RPGRIP1L: variants seen among roughly 807,000 people sequenced by gnomAD.
RPGRIP1L encodes the protein RPGRIP1 like.
Under a neutral mutation model 160.4 loss-of-function variants are expected in RPGRIP1L, and 131 were observed. That is an observed-to-expected ratio of 0.82 (90% confidence interval 0.71 to 0.94). The LOEUF (loss-of-function observed/expected upper bound fraction) is 0.94. Ranked by LOEUF, RPGRIP1L falls within the 40% of genes least tolerant of loss-of-function variation. The pLI, the probability that RPGRIP1L is intolerant of heterozygous loss-of-function variation, is 0.00. For synonymous variants in RPGRIP1L, 510 were observed against 515.8 expected, an observed-to-expected ratio of 0.99 and a Z score of 0.15; for missense variants, 1,522 against 1,535.8, an observed-to-expected ratio of 0.99 and a Z score of 0.15.
In RPGRIP1L at chr16:53,605,550, C is replaced by A. The variant is rs1963628196; in HGVS notation, c.3766G>T (p.Gly1256Cys). Residue 1256 changes from glycine (G) to cysteine (C), a missense_variant, in exon 26 of 27, where the codon GGC becomes TGC. Coordinates refer to ENST00000647211, the MANE Select transcript of RPGRIP1L (RefSeq NM_015272.5). Reference protein sequence around the residue: ...DEQDLECEDIGVAHVDLADMF... With the variant: ...DEQDLECEDICVAHVDLADMF... The stretch of plus-strand genomic sequence containing the variant: ...TCGGCAAGGTCGACGTGAGCCACGC[C>A]AATGTCCTCACACTCCAGGTCCTGC... 10 of 1,614,128 alleles carry A rather than the reference C, an allele frequency of 6.2e-6. No individual in the cohort carries two copies. The highest frequency in any genetic ancestry group is 8.5e-6 in the Non-Finnish European group (10 of 1,179,988).
At chr16:53,659,059 CAT>C (rs2151166382) in intron 10 of RPGRIP1L, 181 bp from the exon 11 acceptor site, 1 of 633,590 alleles carries the variant, frequency 1.6e-6, no homozygotes, top group African/African-American at 1.8e-5. Context: ...TGAACACTAT[CAT>C]GTGTCTACCA....
At chr16:53,650,386 A>C (rs1966843410) in intron 15 of RPGRIP1L, among the ~76,000 whole-genome samples, 1 of 152,172 alleles carries the variant, frequency 6.6e-6, no homozygotes, top group Non-Finnish European at 1.5e-5. Context: ...ATAAGTCCTA[A>C]AAGAATAATA....
chr16:53,639,055 A>G (rs1966034693), intron 19 of RPGRIP1L, among the ~76,000 whole-genome samples: 1 of 151,834 alleles, frequency 6.6e-6, no homozygotes, highest in Non-Finnish European at 1.5e-5. Context: ...AAAATGTCAT[A>G]TGCTAGCATA....
intron 9 of RPGRIP1L, among the ~76,000 whole-genome samples, chr16:53,670,354 A>G (rs188415802): frequency 8.8e-4 from 134 of 152,324 alleles, no homozygotes; most frequent in African/African-American, 2.9e-3. Flanking sequence ...TCAGCACATG[A>G]CCAGAAGTAG....
Position 53,696,183 on chromosome 16 carries a change from C to A in RPGRIP1L, c.198G>T (p.Gln66His). 1 of 1,613,956 alleles carries A rather than the reference C, an allele frequency of 6.2e-7. No individual in the cohort carries two copies. Among genetic ancestry groups the A allele is most frequent in the Non-Finnish European group, 8.5e-7 (1 of 1,179,950 alleles). Residue 66 changes from glutamine (Q) to histidine (H), a missense_variant, in exon 3 of 27, where the codon CAG becomes CAT. Gln to His is a conservative substitution (Grantham distance 24). Transcript: ENST00000647211. ...RLHDENILLK[Q>H]HARKQEDKIK... ...TTTTATCCTCCTGCTTGCGGGCATG[C>A]TGTTTAAGTAAAATGTTCTCATCAT...
Position 53,658,771 on chromosome 16 carries a change from C to G in RPGRIP1L, c.1350+1G>C. Reference sequence around the variant, plus strand: ...ATTTCTTAAATAAGGAAATAATTCACCTGGTTGTACAATTTTATGCGTTTT... The same window carrying G: ...ATTTCTTAAATAAGGAAATAATTCAGCTGGTTGTACAATTTTATGCGTTTT... On this transcript the variant is annotated splice_donor_variant, in intron 11 of 26. Transcript: ENST00000647211. LOFTEE classifies it high-confidence loss of function. The G allele has an allele frequency of 6.4e-7, 1 of 1,574,256 alleles. No homozygotes were observed. The highest frequency in any genetic ancestry group is 8.7e-7 in the Non-Finnish European group (1 of 1,150,332).
intron 2 of RPGRIP1L, among the ~76,000 whole-genome samples, chr16:53,699,154 T>G (rs1201681731): frequency 5.9e-5 from 9 of 152,004 alleles, no homozygotes; most frequent in Non-Finnish European, 4.4e-5. Flanking sequence ...TTAAGGGCAG[T>G]GCAAGATGTG....
chr16:53,698,366 T>TGG (rs1308898351), intron 2 of RPGRIP1L, among the ~76,000 whole-genome samples: 1 of 97,726 alleles, frequency 1.0e-5, no homozygotes, highest in Non-Finnish European at 2.0e-5. Context: ...GGGAGGGAGG[T>TGG]GGGGGGTCAG....
chr16:53,688,121 A>G (rs1970147692), intron 4 of RPGRIP1L, among the ~76,000 whole-genome samples, 156 bp from the exon 5 acceptor site: 2 of 152,070 alleles, frequency 1.3e-5, no homozygotes, highest in Admixed American at 1.3e-4. Context: ...GCCAAAGGGA[A>G]TATGTGATCT....
intron 26 of RPGRIP1L, among the ~76,000 whole-genome samples, chr16:53,602,928 C>A (rs1963459281): frequency 6.6e-6 from 1 of 152,196 alleles, no homozygotes; most frequent in South Asian, 2.1e-4. Flanking sequence ...GAAAACATTT[C>A]ATTTAAAATA....
Position 53,656,538 on chromosome 16 carries a change from C to A in RPGRIP1L, c.1633G>T (p.Glu545Ter). 1 of 1,614,044 alleles carries A rather than the reference C, an allele frequency of 6.2e-7. No individual in the cohort carries two copies. Among genetic ancestry groups the A allele is most frequent in the Non-Finnish European group, 8.5e-7 (1 of 1,179,976 alleles). Residue 545 changes from glutamate to a stop codon, truncating the protein, a stop_gained, in exon 14 of 27, where the codon GAA becomes TAA. Transcript: ENST00000647211. LOFTEE classifies it high-confidence loss of function. ...TGAACATACTGTTCCACTTTGAGTT[C>A]ATAATCTTGCTGCAAATTTTCCATC... ...RKMENLQQDY[E>*]LKVEQYVHLL...
At chr16:53,656,697 T>C in intron 13 of RPGRIP1L, 108 bp from the exon 14 acceptor site, 2 of 840,972 alleles carry the variant, frequency 2.4e-6, no homozygotes, top group Admixed American at 1.8e-5. Context: ...TAGTAGGAGC[T>C]ATGAACCATG....
intron 10 of RPGRIP1L, among the ~76,000 whole-genome samples, chr16:53,661,235 T>C (rs1264496703): frequency 6.6e-6 from 1 of 150,652 alleles, no homozygotes. Context: ...AGGCGGAGGT[T>C]GTGGTGAGCC....
At chr16:53,632,390 A>C (rs561533216) in intron 22 of RPGRIP1L, among the ~76,000 whole-genome samples, 28 of 152,296 alleles carry the variant, frequency 1.8e-4, no homozygotes, top group Middle Eastern at 3.4e-3. Flanking sequence ...TTCCTTTCTA[A>C]CTAGTTTGTG....
Position 53,651,085 on chromosome 16 carries a change from G to A in RPGRIP1L, c.2152+1450C>T, listed in dbSNP as rs1190325767. Among the ~76,000 whole-genome samples, 4 of 152,144 alleles carry A rather than the reference G, an allele frequency of 2.6e-5. No homozygotes were observed. In the East Asian group the frequency reaches 7.7e-4, roughly 29 times the overall value. ...CACCACTTGGATGTCTAATAGGCGGGTCAGTCTTAACTTGTCCAAACAGAA... is the reference window on the plus strand; with the variant it reads ...CACCACTTGGATGTCTAATAGGCGGATCAGTCTTAACTTGTCCAAACAGAA... On this transcript the variant is annotated intron_variant, in intron 15 of 26. Transcript: ENST00000647211.
chr16:53,688,330 T>G (rs186262354), intron 4 of RPGRIP1L, among the ~76,000 whole-genome samples: 1 of 152,146 alleles, frequency 6.6e-6, no homozygotes, highest in East Asian at 1.9e-4. Context: ...TTTTCCCCAG[T>G]GTTTGTGATA....
In RPGRIP1L at chr16:53,658,805, A is replaced by G. The variant is rs1967504639; in HGVS notation, c.1317T>C (p.Asp439=). 6.2e-7 allele frequency: 1 copy of G among 1,608,282 alleles called. No homozygotes were observed. Among genetic ancestry groups the G allele is most frequent in the Non-Finnish European group, 8.5e-7 (1 of 1,176,368 alleles). Residue 439 remains aspartate, a synonymous_variant, in exon 11 of 27, where the codon GAT becomes GAC. Coordinates refer to ENST00000647211, the MANE Select transcript of RPGRIP1L (RefSeq NM_015272.5). ...LQYLEQKQQL[D]ELKKRIKLYN... The stretch of plus-strand genomic sequence containing the variant: ...ACAATTTTATGCGTTTTTTAAGTTC[A>G]TCAAGTTGTTGCTTTTGTTCCAGAT...
In RPGRIP1L at chr16:53,605,609, C is replaced by T. The variant is rs1410635948; in HGVS notation, c.3707G>A (p.Arg1236His). The change falls in exon 26 of 27, where the codon CGC becomes CAC. Residue 1236 changes from arginine (R) to histidine (H), a missense_variant. Physicochemically the swap from Arg to His is conservative, Grantham distance 29 (BLOSUM62 0). Coordinates refer to ENST00000647211, the MANE Select transcript of RPGRIP1L (RefSeq NM_015272.5). ...TGGAGGGTCACTGACCACGGTGAAGCGAAGGCTGGTAAGGCAGAGATCAGA... is the reference window on the plus strand; with the variant it reads ...TGGAGGGTCACTGACCACGGTGAAGTGAAGGCTGGTAAGGCAGAGATCAGA... ...QKQEMPNRSL[R>H]FTVVSDPPED... The T allele has an allele frequency of 9.9e-6, 16 of 1,613,800 alleles. No homozygotes were observed. The highest frequency in any genetic ancestry group is 5.3e-5 in the African/African-American group (4 of 74,884).
chr16:53,678,286 T>C (rs1362068353), intron 6 of RPGRIP1L, among the ~76,000 whole-genome samples: 1 of 152,158 alleles, frequency 6.6e-6, no homozygotes, highest in East Asian at 1.9e-4. Context: ...CAACAACCTG[T>C]GTGCCAAGTT....
Sources: allele counts gnomAD v4.1 joint callset (sites outside exome capture counted in the v4.1 genomes callset), GRCh38; gene constraint gnomAD v4.1.1; transcripts MANE v1.5; gene names NCBI Gene and HGNC (gene_info 2026-07-23, HGNC 2026-07-21).